The following USH2A variants were observed in gnomAD, a reference collection of about 807,000 sequenced individuals.
USH2A encodes Usher syndrome 2A (autosomal recessive, mild).
Under a neutral mutation model 538.9 loss-of-function variants are expected in USH2A, and 443 were observed. That is an observed-to-expected ratio of 0.82 (90% CI 0.76 to 0.89). The LOEUF (loss-of-function observed/expected upper bound fraction) is 0.89. Ranked by LOEUF, USH2A falls within the 40% of genes least tolerant of loss-of-function variation. The pLI, the probability that USH2A is intolerant of heterozygous loss-of-function variation, is 0.00. For missense variants in USH2A, 6,633 were observed against 6,324.8 expected, an observed-to-expected ratio of 1.05 and a Z score of -1.65; for synonymous variants, 2,413 against 2,273.5, an observed-to-expected ratio of 1.06 and a Z score of -1.75.
At chr1:215,898,933 C>T (rs1665418356) in intron 40 of USH2A, among the ~76,000 whole-genome samples, 1 of 152,150 alleles carries the variant, frequency 6.6e-6, no homozygotes, top group Non-Finnish European at 1.5e-5. Context: ...AGAACAAAAA[C>T]ACTGAGTGTC....
intron 21 of USH2A, among the ~76,000 whole-genome samples, chr1:216,155,321 T>C (rs2033916381): frequency 6.6e-6 from 1 of 152,132 alleles, no homozygotes; most frequent in African/African-American, 2.4e-5. Flanking sequence ...AGGTGTAATT[T>C]TTATAATTGC....
At chr1:216,278,167 A>G (rs1367380831) in intron 11 of USH2A, among the ~76,000 whole-genome samples, 2 of 152,102 alleles carry the variant, frequency 1.3e-5, no homozygotes, top group African/African-American at 4.8e-5. Flanking sequence ...TCTAGCCTTA[A>G]ATGCCTGAGG....
At chr1:215,851,063 A>G (rs568088262) in intron 44 of USH2A, among the ~76,000 whole-genome samples, 1 of 152,332 alleles carries the variant, frequency 6.6e-6, no homozygotes, top group South Asian at 2.1e-4. Flanking sequence ...AGGAAAGTTC[A>G]TAGTCTTAAA....
intron 3 of USH2A, among the ~76,000 whole-genome samples, chr1:216,391,663 CA>C (rs1300618141): frequency 6.6e-6 from 1 of 152,020 alleles, no homozygotes; most frequent in African/African-American, 2.4e-5. Context: ...CAATTTTAAA[CA>C]ATGCCTTGCA....
At chr1:216,096,439 C>T (rs1276327297) in intron 22 of USH2A, among the ~76,000 whole-genome samples, 1 of 152,160 alleles carries the variant, frequency 6.6e-6, no homozygotes, top group Non-Finnish European at 1.5e-5. Context: ...TAATCTTGTC[C>T]TGACCAACTT....
At chr1:215,905,099 C>T (rs1028184444) in intron 38 of USH2A, among the ~76,000 whole-genome samples, 2 of 151,990 alleles carry the variant, frequency 1.3e-5, no homozygotes, top group African/African-American at 4.8e-5. Context: ...TGTCCTAAAC[C>T]TTTGCTCCCT....
At chr1:216,136,095 T>C (rs184624064) in intron 21 of USH2A, among the ~76,000 whole-genome samples, 242 of 152,252 alleles carry the variant, frequency 1.6e-3, no homozygotes, top group Non-Finnish European at 2.7e-3. Flanking sequence ...TCACATAGAA[T>C]GTTGAACAAT....
intron 38 of USH2A, among the ~76,000 whole-genome samples, chr1:215,907,785 AAC>A (rs1175371142): frequency 6.6e-6 from 1 of 152,032 alleles, no homozygotes; most frequent in African/African-American, 2.4e-5. Context: ...CATGGTGCCC[AAC>A]ACAGTGCTTT....
chr1:215,817,211 T>C lies in USH2A; in HGVS notation c.9372-16A>G. The C allele has an allele frequency of 6.2e-7, 1 of 1,610,498 alleles. No homozygotes were observed. The stretch of plus-strand genomic sequence containing the variant: ...TTGAAGAGATCTGCAACAGAGAGAA[T>C]AATCAATACTTCTGAAAAGACACTA... On this transcript the variant is annotated splice_polypyrimidine_tract_variant and intron_variant, in intron 47 of 71. Coordinates refer to ENST00000307340, the MANE Select transcript of USH2A (RefSeq NM_206933.4).
chr1:215,785,022 T>G (rs1360354248), intron 52 of USH2A, among the ~76,000 whole-genome samples: 3 of 152,210 alleles, frequency 2.0e-5, no homozygotes, highest in Non-Finnish European at 4.4e-5. Flanking sequence ...CAATAGAAGG[T>G]TGGACAAATT....
chr1:215,669,440 G>A (rs1352784466), intron 64 of USH2A, among the ~76,000 whole-genome samples: 1 of 152,154 alleles, frequency 6.6e-6, no homozygotes, highest in Admixed American at 6.5e-5. Flanking sequence ...GGGGCCTGAT[G>A]TGTTTTAAAA....
chr1:215,805,606 C>T (rs1662478404), intron 49 of USH2A, among the ~76,000 whole-genome samples: 1 of 151,836 alleles, frequency 6.6e-6, no homozygotes, highest in African/African-American at 2.4e-5. Flanking sequence ...GTATACTTTA[C>T]CACAAAAAAG....
At chr1:215,929,918 G>C (rs1315559420) in intron 38 of USH2A, among the ~76,000 whole-genome samples, 1 of 151,778 alleles carries the variant, frequency 6.6e-6, no homozygotes, top group Non-Finnish European at 1.5e-5. Context: ...TATTTTAGGT[G>C]GATAAGTGGA....
intron 21 of USH2A, among the ~76,000 whole-genome samples, chr1:216,169,163 G>A (rs1441617547): frequency 1.3e-5 from 2 of 152,118 alleles, no homozygotes; most frequent in African/African-American, 4.8e-5. Context: ...TGTGGGATGA[G>A]TATATAGGAA....
chr1:215,671,409 C>A (rs1344248977), intron 63 of USH2A, 116 bp from the exon 64 acceptor site: 35 of 1,090,262 alleles, frequency 3.2e-5, no homozygotes, highest in Non-Finnish European at 4.5e-5. Context: ...TTCTTATTCA[C>A]AGCTAATTCT....
At chr1:216,199,576 T>A (rs758502862) in intron 17 of USH2A, 51 bp downstream of exon 17, 1 of 1,612,612 alleles carries the variant, frequency 6.2e-7, no homozygotes, top group Non-Finnish European at 8.5e-7. Flanking sequence ...TTACAATAGA[T>A]TCTCATTCAT....
intron 21 of USH2A, among the ~76,000 whole-genome samples, chr1:216,117,403 A>G (rs2033034355): frequency 6.6e-6 from 1 of 152,202 alleles, no homozygotes; most frequent in Non-Finnish European, 1.5e-5. Context: ...GTAAATCTTT[A>G]TATATAACTG....
chr1:216,149,450 C>A (rs958667132), intron 21 of USH2A, among the ~76,000 whole-genome samples: 2 of 152,126 alleles, frequency 1.3e-5, no homozygotes, highest in South Asian at 4.1e-4. Context: ...AAAGGTAGAA[C>A]GGACTAATGG....
chr1:215,686,888 C>T (rs1658439828), intron 61 of USH2A, among the ~76,000 whole-genome samples: 1 of 152,070 alleles, frequency 6.6e-6, no homozygotes, highest in Admixed American at 6.5e-5. Context: ...ATTCTTTAGA[C>T]ACAAGGATTT....
Sources: allele counts gnomAD v4.1 joint callset (sites outside exome capture counted in the v4.1 genomes callset), GRCh38; gene constraint gnomAD v4.1.1; transcripts MANE v1.5; gene names NCBI Gene and HGNC (gene_info 2026-07-23, HGNC 2026-07-21).